Variants in KCNJ6 observed in about 807,000 individuals in gnomAD.
KCNJ6 encodes the protein potassium inwardly rectifying channel subfamily J member 6.
KCNJ6 carries 9 observed loss-of-function variants against 34.2 expected under a neutral mutation model. The observed-to-expected ratio is 0.26, with a 90% CI of 0.16 to 0.46. The LOEUF (loss-of-function observed/expected upper bound fraction) is 0.46. Ranked by LOEUF, KCNJ6 falls within the 20% of genes least tolerant of loss-of-function variation. The pLI is 1.00. For synonymous variants in KCNJ6, 196 were observed against 207.1 expected (o/e 0.95, Z 0.46); for missense variants, 236 against 531.3 (o/e 0.44, Z 5.46).
intron 2 of KCNJ6, among the ~76,000 whole-genome samples, chr21:37,798,312 A>G (rs1405357094): frequency 6.6e-6 from 1 of 152,154 alleles, no homozygotes; most frequent in African/African-American, 2.4e-5. Context: ...GAAGCCCAGG[A>G]AGGGCACTAG....
At chr21:37,741,729 C>T (rs920835191) in intron 2 of KCNJ6, among the ~76,000 whole-genome samples, 41 of 152,338 alleles carry the variant, frequency 2.7e-4, no homozygotes, top group Admixed American at 2.0e-3. Context: ...ATGGCACCAA[C>T]GCCAGCCCAG....
intron 3 of KCNJ6, among the ~76,000 whole-genome samples, chr21:37,681,208 A>G (rs992143989): frequency 2.0e-5 from 3 of 152,278 alleles, no homozygotes; most frequent in Non-Finnish European, 2.9e-5. Context: ...GCCAAGGTGT[A>G]GGGTTCCTCT....
At chr21:37,683,877 A>G (rs1221879136) in intron 3 of KCNJ6, among the ~76,000 whole-genome samples, 1 of 152,186 alleles carries the variant, frequency 6.6e-6, no homozygotes, top group Admixed American at 6.5e-5. Flanking sequence ...GCTTCTCGTC[A>G]TGCCTACTGC....
intron 2 of KCNJ6, among the ~76,000 whole-genome samples, chr21:37,767,540 C>T (rs953367997): frequency 3.3e-5 from 5 of 152,132 alleles, no homozygotes; most frequent in African/African-American, 1.2e-4. Context: ...TCACCACTCC[C>T]CAGCCCCAGT....
At chr21:37,630,595 C>A (rs1048832573) in intron 3 of KCNJ6, among the ~76,000 whole-genome samples, 2 of 152,034 alleles carry the variant, frequency 1.3e-5, no homozygotes, top group Non-Finnish European at 2.9e-5. Context: ...TATGAAGGAC[C>A]CTTAGCTAAG....
intron 1 of KCNJ6, among the ~76,000 whole-genome samples, chr21:37,860,485 C>T (rs1420295473): frequency 6.6e-6 from 1 of 152,164 alleles, no homozygotes; most frequent in African/African-American, 2.4e-5. Flanking sequence ...TCACTGGCTT[C>T]GAAGTAGAAA....
chr21:37,775,610 C>T (rs2055138347), intron 2 of KCNJ6, among the ~76,000 whole-genome samples: 1 of 152,190 alleles, frequency 6.6e-6, no homozygotes, highest in Non-Finnish European at 1.5e-5. Flanking sequence ...AATAGGGAAT[C>T]CTTTCCCCAT....
intron 2 of KCNJ6, among the ~76,000 whole-genome samples, chr21:37,806,165 A>G (rs2123536752): frequency 6.6e-6 from 1 of 152,288 alleles, no homozygotes; most frequent in South Asian, 2.1e-4. Context: ...TAAAAAATGG[A>G]ATAGTTAGTT....
At chr21:37,716,479 A>C (rs2054792035) in intron 2 of KCNJ6, among the ~76,000 whole-genome samples, 1 of 151,410 alleles carries the variant, frequency 6.6e-6, no homozygotes, top group African/African-American at 2.4e-5. Context: ...TCCTGGGTTC[A>C]AGTGATCCTC....
intron 2 of KCNJ6, among the ~76,000 whole-genome samples, chr21:37,828,652 G>A (rs567265456): frequency 9.2e-5 from 14 of 152,370 alleles, no homozygotes; most frequent in African/African-American, 2.4e-4. Context: ...ATGGCTCTGC[G>A]TGGCAGGCTG....
chr21:37,650,126 G>A (rs1398899679), intron 3 of KCNJ6, among the ~76,000 whole-genome samples: 1 of 152,126 alleles, frequency 6.6e-6, no homozygotes, highest in Non-Finnish European at 1.5e-5. Context: ...AGGGCACAAT[G>A]AATGTGGCTT....
chr21:37,754,810 TCTTC>T (rs1301714845), intron 2 of KCNJ6, among the ~76,000 whole-genome samples: 1 of 152,214 alleles, frequency 6.6e-6, no homozygotes, highest in Non-Finnish European at 1.5e-5. Flanking sequence ...GGCCTGGATT[TCTTC>T]CTTTAAGATT....
chr21:37,883,803 G>A (rs1480183618), intron 1 of KCNJ6, among the ~76,000 whole-genome samples: 4 of 152,174 alleles, frequency 2.6e-5, no homozygotes, highest in African/African-American at 9.6e-5. Flanking sequence ...GACTCTTAGT[G>A]ATGCTTGACA....
intron 1 of KCNJ6, among the ~76,000 whole-genome samples, chr21:37,871,715 T>C (rs988925339): frequency 9.9e-5 from 15 of 152,234 alleles, no homozygotes; most frequent in Non-Finnish European, 5.9e-5. Flanking sequence ...GACTTCTAGA[T>C]AAACAGTGAT....
intron 2 of KCNJ6, among the ~76,000 whole-genome samples, chr21:37,832,199 C>T (rs896796642): frequency 4.0e-5 from 6 of 148,562 alleles, no homozygotes; most frequent in African/African-American, 1.6e-4. Flanking sequence ...TGAGATGATG[C>T]TATAACTACC....
chr21:37,670,392 C>T lies in KCNJ6; in HGVS notation c.946+43819G>A, dbSNP rs570089438. Among the ~76,000 whole-genome samples the T allele has an allele frequency of 2.6e-5, 4 of 152,202 alleles. No homozygotes were observed. The South Asian group carries it at 6.2e-4, about 24-fold the overall frequency. On this transcript the variant is annotated intron_variant, in intron 3 of 3. Coordinates refer to ENST00000609713, the MANE Select transcript of KCNJ6 (RefSeq NM_002240.5). Reference sequence around the variant, plus strand: ...AACTTGAGGATTGGGCTTTTTAGTTCTGCAAAATGGCCATTGGAATTTTGG... The same window carrying T: ...AACTTGAGGATTGGGCTTTTTAGTTTTGCAAAATGGCCATTGGAATTTTGG...
intron 1 of KCNJ6, among the ~76,000 whole-genome samples, chr21:37,896,639 C>T (rs1250906168): frequency 6.6e-6 from 1 of 152,152 alleles, no homozygotes; most frequent in African/African-American, 2.4e-5. Flanking sequence ...AGCTGTCACC[C>T]CCGATTCCTG....
chr21:37,747,706 G>A (rs553644124), intron 2 of KCNJ6, among the ~76,000 whole-genome samples: 56 of 152,206 alleles, frequency 3.7e-4, no homozygotes, highest in African/African-American at 1.3e-3. Context: ...GAGGGGGGAG[G>A]AGGGGGCCAT....
At chr21:37,641,375 A>T (rs962506811) in intron 3 of KCNJ6, among the ~76,000 whole-genome samples, 2 of 152,190 alleles carry the variant, frequency 1.3e-5, no homozygotes, top group African/African-American at 4.8e-5. Context: ...GAACAGAATG[A>T]TGACTTGGCC....
Sources: allele counts gnomAD v4.1 joint callset (sites outside exome capture counted in the v4.1 genomes callset), GRCh38; gene constraint gnomAD v4.1.1; transcripts MANE v1.5; gene names NCBI Gene and HGNC (gene_info 2026-07-23, HGNC 2026-07-21).